ESR2: variants seen among roughly 807,000 people sequenced by gnomAD.
ESR2 encodes estrogen receptor 2.
A neutral mutation model predicts 49.6 loss-of-function variants in ESR2; 36 were observed. The observed-to-expected ratio is 0.73, with a 90% CI of 0.56 to 0.96. The LOEUF (loss-of-function observed/expected upper bound fraction) is 0.96. Among genes scored for constraint, ESR2 ranks in the 40% least tolerant of loss-of-function variants. The probability of loss-of-function intolerance (pLI) is 0.00; values close to 1 mark genes in which losing one functional copy is unlikely to be tolerated. For missense variants in ESR2, 714 were observed against 693.0 expected, an observed-to-expected ratio of 1.03 and a Z score of -0.34; for synonymous variants, 320 against 266.1, an observed-to-expected ratio of 1.20 and a Z score of -1.97.
intron 3 of ESR2, among the ~76,000 whole-genome samples, 156 bp downstream of exon 3, chr14:64,279,825 C>CA (rs909718496): frequency 2.2e-4 from 34 of 152,312 alleles, no homozygotes; most frequent in South Asian, 1.9e-3. Context: ...CCCCACCACC[C>CA]AACCCACTTC....
chr14:64,266,689 C>T (rs970833046), intron 4 of ESR2, among the ~76,000 whole-genome samples: 8 of 152,174 alleles, frequency 5.3e-5, no homozygotes, highest in East Asian at 1.9e-4. Context: ...TAAACATACA[C>T]ATAAGATATT....
chr14:64,300,313 A>G (rs923216275), intron 1 of ESR2, among the ~76,000 whole-genome samples: 11 of 152,176 alleles, frequency 7.2e-5, no homozygotes, highest in African/African-American at 2.4e-4. Context: ...GGCTGTCAAC[A>G]TCTGCCATAT....
At chr14:64,233,382 A>G (rs930429751) in intron 8 of ESR2, 59 bp from the exon 9 acceptor site, 1 of 1,540,668 alleles carries the variant, frequency 6.5e-7, no homozygotes. Context: ...GGAACCCCGA[A>G]GCCTTCCCCG....
At position 64,235,026 on chromosome 14, in the gene ESR2, C is replaced by CT; in HGVS notation, c.1349dup (p.Gln451AlafsTer7). ...GGAGGTTAGCCAGGCGCATGGATTG[C>CT]TGCTGGGAGGAGATGCCGCTCTTGG... is the stretch of plus-strand genomic sequence containing the variant. On this transcript the variant is annotated frameshift_variant, in exon 8 of 9. Transcript: ENST00000341099. LOFTEE classifies it high-confidence loss of function. 1 of 1,614,236 alleles carries CT rather than the reference C, an allele frequency of 6.2e-7. No homozygotes were observed. Among genetic ancestry groups the CT allele is most frequent in the Non-Finnish European group, 8.5e-7 (1 of 1,180,036 alleles).
At chr14:64,291,078 G>C (rs1161845062) in intron 1 of ESR2, among the ~76,000 whole-genome samples, 2 of 152,242 alleles carry the variant, frequency 1.3e-5, no homozygotes, top group East Asian at 3.9e-4. Context: ...GTAGGAACTG[G>C]ACCAAATTCA....
chr14:64,229,907 A>T lies in ESR2; in HGVS notation c.*3230T>A, dbSNP rs1170967269. ...AAAAAAATGTGGCGGGGCTGGGCACAGTGGCTCATGCCTGTAATCTCAGCA... is the reference window on the plus strand; with the variant it reads ...AAAAAAATGTGGCGGGGCTGGGCACTGTGGCTCATGCCTGTAATCTCAGCA... On this transcript the variant is annotated 3_prime_UTR_variant, in exon 9 of 9. Transcript: ENST00000341099. Among the ~76,000 whole-genome samples the T allele has an allele frequency of 2.0e-5, 3 of 152,174 alleles. No individual in the cohort carries two copies. The highest frequency in any genetic ancestry group is 4.4e-5 in the Non-Finnish European group (3 of 68,018).
At chr14:64,281,337 AT>A (rs1211178459) in intron 2 of ESR2, among the ~76,000 whole-genome samples, 1 of 152,208 alleles carries the variant, frequency 6.6e-6, no homozygotes, top group African/African-American at 2.4e-5. Flanking sequence ...GGTATTATTG[AT>A]TTATAAATGA....
chr14:64,227,622 A>G (rs2098722697), downstream of ESR2: 2 of 1,614,154 alleles, frequency 1.2e-6, no homozygotes, highest in South Asian at 1.1e-5. Context: ...GCCCTTAAGT[A>G]GAGATGCGGG....
chr14:64,280,948 G>A (rs1278477197), intron 2 of ESR2, among the ~76,000 whole-genome samples: 4 of 152,192 alleles, frequency 2.6e-5, no homozygotes, highest in African/African-American at 9.7e-5. Flanking sequence ...GGCAGAGGTT[G>A]CAGTGAGCCA....
chr14:64,324,131 C>T (rs542183686), intron 1 of ESR2, among the ~76,000 whole-genome samples: 5 of 152,316 alleles, frequency 3.3e-5, no homozygotes, highest in Admixed American at 1.3e-4. Context: ...ATCTGCACCG[C>T]GCCGCCTGGT....
At chr14:64,227,550 C>T (rs768598288), downstream of ESR2, 8 of 1,614,174 alleles carry the variant, frequency 5.0e-6, no homozygotes, top group South Asian at 6.6e-5. Flanking sequence ...TCCATCGTTG[C>T]TTCAGGCAAA....
downstream of ESR2, chr14:64,227,491 T>C: frequency 4.4e-6 from 7 of 1,604,904 alleles, no homozygotes; most frequent in South Asian, 6.7e-5. Context: ...AGTGAAAATG[T>C]TACCCAAGAT....
upstream of ESR2, among the ~76,000 whole-genome samples, chr14:64,296,597 T>C (rs1180771630): frequency 6.6e-6 from 1 of 152,202 alleles, no homozygotes; most frequent in Non-Finnish European, 1.5e-5. Flanking sequence ...CTCCATACCA[T>C]GCCTCCAATC....
rs746894181 is a variant in ESR2, at chr14:64,257,211, T to C, written c.1091+15A>G. 1.3e-5 allele frequency: 21 copies of C among 1,613,344 alleles called. No individual in the cohort carries two copies. Among genetic ancestry groups the C allele is most frequent in the Non-Finnish European group, 1.4e-5 (17 of 1,179,442 alleles). ...CAAACAAGTCAGAGAAGAAACACAA[T>C]GTATTTTTTCTCACCTGTCCAGAAC... On this transcript the variant is annotated intron_variant, in intron 6 of 8. Coordinates refer to ENST00000341099, the MANE Select transcript of ESR2 (RefSeq NM_001437.3).
intron 1 of ESR2, among the ~76,000 whole-genome samples, chr14:64,319,055 A>T (rs912562058): frequency 2.0e-5 from 3 of 152,164 alleles, no homozygotes; most frequent in African/African-American, 4.8e-5. Context: ...TCTCAAAAAA[A>T]AAAAAAGTCT....
At chr14:64,245,532 AAAAAG>A (rs1184700757) in intron 7 of ESR2, among the ~76,000 whole-genome samples, 2 of 151,586 alleles carry the variant, frequency 1.3e-5, no homozygotes, top group Non-Finnish European at 2.9e-5. Flanking sequence ...AAAAAAAAAA[AAAAAG>A]ATTTCTTAAA....
chr14:64,252,345 T>C (rs1232873560), intron 6 of ESR2, among the ~76,000 whole-genome samples: 2 of 151,448 alleles, frequency 1.3e-5, no homozygotes, highest in Admixed American at 1.3e-4. Context: ...ACAGGGCATA[T>C]GATTTGAATG....
chr14:64,282,624 C>G lies in ESR2; in HGVS notation c.362G>C (p.Arg121Thr). The change falls in exon 2 of 9, where the codon AGA (arginine) becomes ACA (threonine). Residue 121 changes from arginine to threonine, a missense_variant and splice_region_variant. By Grantham distance (71) the Arg-to-Thr change is moderately conservative (BLOSUM62 -1). Coordinates refer to ENST00000341099, the MANE Select transcript of ESR2 (RefSeq NM_001437.3). ...AATTCAGAATGAAGACTGGACTTAC[C>G]TGTTTACAGGTAAGGTGTGTTCTAG... ...RSLEHTLPVN[R>T]ETLKRKVSGN... The G allele has an allele frequency of 1.3e-6, 2 of 1,590,180 alleles. No homozygotes were observed. Among genetic ancestry groups the G allele is most frequent in the Non-Finnish European group, 1.7e-6 (2 of 1,162,522 alleles).
chr14:64,257,415 C>A (rs371676166), intron 5 of ESR2, 51 bp from the exon 6 acceptor site: 1 of 1,607,238 alleles, frequency 6.2e-7, no homozygotes, highest in South Asian at 1.1e-5. Context: ...TCCTCAGCTC[C>A]CTGTGTGTGT....
Sources: allele counts gnomAD v4.1 joint callset (sites outside exome capture counted in the v4.1 genomes callset), GRCh38; gene constraint gnomAD v4.1.1; transcripts MANE v1.5; gene names NCBI Gene and HGNC (gene_info 2026-07-23, HGNC 2026-07-21).